The following SYN3 variants were observed in gnomAD, a reference collection of about 807,000 sequenced individuals.
SYN3 encodes synapsin III, also known as synapsin-3.
In SYN3, 35 loss-of-function variants were observed where a neutral mutation model predicts 65.8. The observed-to-expected ratio is 0.53, with a 90% CI of 0.41 to 0.70. The LOEUF (loss-of-function observed/expected upper bound fraction) is 0.70, where lower values mean the gene tolerates loss of function less well. Ranked by LOEUF, SYN3 falls within the 30% of genes least tolerant of loss-of-function variation. The probability of loss-of-function intolerance (pLI) is 0.00; values close to 1 mark genes in which losing one functional copy is unlikely to be tolerated. For missense variants in SYN3, 680 were observed against 749.0 expected, an observed-to-expected ratio of 0.91 and a Z score of 1.08; for synonymous variants, 270 against 292.9, an observed-to-expected ratio of 0.92 and a Z score of 0.80.
rs745702599 is a variant in SYN3, at chr22:32,535,454, G to A, written c.993-1559C>T. On this transcript the variant is annotated intron_variant, in intron 9 of 13. Transcript: ENST00000358763. Reference sequence around the variant, plus strand: ...AAAGCTTTTCATGTGATTCTGATACGTGGCCACGTTTGGGGACAACCTTGG... The same window carrying A: ...AAAGCTTTTCATGTGATTCTGATACATGGCCACGTTTGGGGACAACCTTGG... Among the ~76,000 whole-genome samples the A allele has an allele frequency of 6.6e-5, 10 of 152,140 alleles. 1 individual carries two copies. In the East Asian group the frequency reaches 1.2e-3, roughly 18 times the overall value.
rs140535809 is a variant in SYN3 at position 32,808,024 on chromosome 22, G to A, written c.711+56891C>T. Among the ~76,000 whole-genome samples, 1,289 of 152,182 alleles carry A rather than the reference G, an allele frequency of 8.5e-3. 19 individuals carry two copies. Among genetic ancestry groups the A allele is most frequent in the African/African-American group, 0.027 (1,138 of 41,502 alleles). On this transcript the variant is annotated intron_variant, in intron 6 of 13. Coordinates refer to ENST00000358763, the MANE Select transcript of SYN3 (RefSeq NM_003490.4). Reference sequence around the variant, plus strand: ...TGAAAGGGAGCAAAATTAGGGCCACGAAGATCAAGTTAATGGGAGTATTTT... The same window carrying A: ...TGAAAGGGAGCAAAATTAGGGCCACAAAGATCAAGTTAATGGGAGTATTTT...
intron 7 of SYN3, among the ~76,000 whole-genome samples, chr22:32,543,049 C>G (rs1375904251): frequency 6.6e-6 from 1 of 152,074 alleles, no homozygotes; most frequent in Non-Finnish European, 1.5e-5. Flanking sequence ...TGGGGTTGGT[C>G]TCGGCCACAC....
intron 1 of SYN3, 72 bp downstream of exon 1, chr22:33,058,220 C>A (rs1328752627): frequency 6.6e-6 from 1 of 152,202 alleles, no homozygotes; most frequent in East Asian, 1.9e-4. Context: ...CACCAGCAGC[C>A]CCCGCTCGAG....
rs1175460430 is a variant in SYN3, at chr22:32,513,494, G to T, written c.*198C>A. On this transcript the variant is annotated 3_prime_UTR_variant, in exon 14 of 14. Transcript: ENST00000358763. ...GAGGCTCTCAAAGGCCCACCTCACA[G>T]TCAGACAATGCTGGAATGTCACGGT... The T allele has an allele frequency of 8.1e-5, 56 of 695,370 alleles. No individual in the cohort carries two copies. The highest frequency in any genetic ancestry group is 2.0e-5 in the Non-Finnish European group (9 of 453,222). 43.1% of individuals were successfully genotyped at this position (695,370 alleles called of 1,614,324 possible).
intron 7 of SYN3, among the ~76,000 whole-genome samples, chr22:32,575,041 G>T (rs534275712): frequency 6.6e-6 from 1 of 152,328 alleles, no homozygotes; most frequent in African/African-American, 2.4e-5. Context: ...CTGGTACCTA[G>T]GCCCTCTTTT....
intron 7 of SYN3, among the ~76,000 whole-genome samples, chr22:32,562,550 A>G (rs963044690): frequency 6.6e-6 from 1 of 151,958 alleles, no homozygotes; most frequent in Non-Finnish European, 1.5e-5. Flanking sequence ...ACTCCCCACA[A>G]TCTGGTCTTT....
At chr22:32,694,383 T>C (rs2060708036) in intron 6 of SYN3, among the ~76,000 whole-genome samples, 1 of 152,192 alleles carries the variant, frequency 6.6e-6, no homozygotes, top group South Asian at 2.1e-4. Flanking sequence ...CCTCAGCTGT[T>C]TAGCCTTAGT....
intron 6 of SYN3, among the ~76,000 whole-genome samples, chr22:32,726,491 A>C (rs2061196137): frequency 6.6e-6 from 1 of 152,190 alleles, no homozygotes; most frequent in Non-Finnish European, 1.5e-5. Flanking sequence ...CTCTATATCC[A>C]TATGGGCTTT....
At chr22:32,973,590 C>T (rs764313428) in intron 3 of SYN3, among the ~76,000 whole-genome samples, 4 of 152,138 alleles carry the variant, frequency 2.6e-5, no homozygotes, top group Non-Finnish European at 5.9e-5. Flanking sequence ...CACTACTTAA[C>T]AGTTTCTGTG....
chr22:32,843,605 C>G (rs976392963), intron 6 of SYN3, among the ~76,000 whole-genome samples: 4 of 152,270 alleles, frequency 2.6e-5, no homozygotes, highest in African/African-American at 9.6e-5. Flanking sequence ...TGACAGGGAT[C>G]CCTCTTTCCT....
intron 7 of SYN3, among the ~76,000 whole-genome samples, chr22:32,594,598 C>T (rs923518967): frequency 1.3e-5 from 2 of 152,136 alleles, no homozygotes; most frequent in East Asian, 1.9e-4. Flanking sequence ...AGCGATTCTC[C>T]TGCCGCAGCT....
intron 1 of SYN3, among the ~76,000 whole-genome samples, chr22:33,041,065 C>A: frequency 6.6e-6 from 1 of 151,730 alleles, no homozygotes; most frequent in Admixed American, 6.6e-5. Flanking sequence ...CAGGCATGCG[C>A]CACCATCCCC....
intron 7 of SYN3, among the ~76,000 whole-genome samples, chr22:32,595,499 T>C (rs2059186046): frequency 6.6e-6 from 1 of 152,216 alleles, no homozygotes; most frequent in African/African-American, 2.4e-5. Context: ...AGGATGTTAT[T>C]TGTGACTGTG....
rs2060156337 is a variant in SYN3 at position 32,657,347 on chromosome 22, T to A, written c.712-60611A>T. 5.3e-5 allele frequency among the ~76,000 whole-genome samples: 8 copies of A among 151,890 alleles called. No homozygotes were observed. In the South Asian group the frequency reaches 1.7e-3, roughly 32 times the overall value. On this transcript the variant is annotated intron_variant, in intron 6 of 13. Transcript: ENST00000358763. ...ACCATGTTAGCCAGGATGGTCTCGA[T>A]CTACTGACATTGTGATCCACCCTCC...
At position 32,906,871 on chromosome 22, in the gene SYN3, T is replaced by C. The variant is rs183220012; in HGVS notation, c.461+24519A>G. Among the ~76,000 whole-genome samples the C allele has an allele frequency of 3.7e-3, 568 of 152,312 alleles. 21 individuals are homozygous for C. The South Asian group carries it at 0.079, about 21-fold the overall frequency. On this transcript the variant is annotated intron_variant, in intron 4 of 13. Coordinates refer to ENST00000358763, the MANE Select transcript of SYN3 (RefSeq NM_003490.4). ...TTTATGGCTGCATAGTATTCCATGG[T>C]GTATATGTGCCACATTTTCTTTATC...
At chr22:33,021,065 G>T (rs1165217777) in intron 1 of SYN3, among the ~76,000 whole-genome samples, 1 of 152,018 alleles carries the variant, frequency 6.6e-6, no homozygotes, top group Non-Finnish European at 1.5e-5. Flanking sequence ...GTTTCCCATT[G>T]CCAGAAAGTC....
chr22:32,951,843 G>A (rs771686129), intron 3 of SYN3, among the ~76,000 whole-genome samples: 33 of 152,150 alleles, frequency 2.2e-4, no homozygotes, highest in Non-Finnish European at 4.0e-4. Context: ...TCACCTTCCC[G>A]GTCTTGTGCA....
chr22:32,879,074 TAC>T (rs372249447), intron 4 of SYN3, among the ~76,000 whole-genome samples: 11 of 150,862 alleles, frequency 7.3e-5, no homozygotes, highest in Admixed American at 1.3e-4. Context: ...GACACACACA[TAC>T]ACACACACAC....
chr22:32,633,505 G>A (rs368225064), intron 6 of SYN3, among the ~76,000 whole-genome samples: 2 of 152,332 alleles, frequency 1.3e-5, no homozygotes, highest in East Asian at 1.9e-4. Context: ...TCCTACGTGC[G>A]TAGGCATTAA....
Sources: allele counts gnomAD v4.1 joint callset (sites outside exome capture counted in the v4.1 genomes callset), GRCh38; gene constraint gnomAD v4.1.1; transcripts MANE v1.5; gene names NCBI Gene and HGNC (gene_info 2026-07-23, HGNC 2026-07-21).